The following EEF1AKMT2 variants were observed in gnomAD, a reference collection of about 807,000 sequenced individuals.
EEF1AKMT2 encodes eukaryotic translation elongation factor 1 alpha lysine methyltransferase 2.
In EEF1AKMT2, 32 loss-of-function variants were observed where a neutral mutation model predicts 35.8. That is an observed-to-expected ratio of 0.89 (90% confidence interval 0.67 to 1.20). The LOEUF (loss-of-function observed/expected upper bound fraction) is 1.20. Ranked by LOEUF, EEF1AKMT2 falls within the 50% of genes most tolerant of loss-of-function variation. EEF1AKMT2 has a pLI of 0.00. For missense variants in EEF1AKMT2, 330 were observed against 347.5 expected (o/e 0.95, Z 0.40); for synonymous variants, 121 against 133.7 (o/e 0.91, Z 0.65).
intron 5 of EEF1AKMT2, among the ~76,000 whole-genome samples, chr10:124,764,744 A>G (rs1295503075): frequency 6.6e-6 from 1 of 152,232 alleles, no homozygotes; most frequent in African/African-American, 2.4e-5. Flanking sequence ...CTCAGCATGT[A>G]AGACGGAAGT....
At chr10:124,778,656 A>AGGTG (rs1433280568) in intron 3 of EEF1AKMT2, among the ~76,000 whole-genome samples, 1 of 151,346 alleles carries the variant, frequency 6.6e-6, no homozygotes, top group Non-Finnish European at 1.5e-5. Flanking sequence ...CCCCGGAAGC[A>AGGTG]GAGGTTGCAG....
At chr10:124,765,649 A>T in intron 4 of EEF1AKMT2, 41 bp from the exon 5 acceptor site, 1 of 1,490,828 alleles carries the variant, frequency 6.7e-7, no homozygotes. Context: ...CAATTAAAAC[A>T]AAATCCTTAC....
At chr10:124,790,468 A>G (rs1950624774) in intron 1 of EEF1AKMT2, 130 bp from the exon 2 acceptor site, 2 of 676,706 alleles carry the variant, frequency 3.0e-6, no homozygotes, top group South Asian at 1.8e-5. Flanking sequence ...ATTAATAAAT[A>G]CACATAGTTC....
At position 124,765,473 on chromosome 10, in the gene EEF1AKMT2, T is replaced by C; in HGVS notation, c.535A>G (p.Arg179Gly). 6.2e-7 allele frequency: 1 copy of C among 1,614,030 alleles called. No individual in the cohort carries two copies. The highest frequency in any genetic ancestry group is 8.5e-7 in the Non-Finnish European group (1 of 1,179,972). The change falls in exon 5 of 7, where the codon AGG (arginine) becomes GGG (glycine). Residue 179 changes from arginine (R) to glycine (G), a missense_variant. Transcript: ENST00000368836. ...KRKQYVKSLS[R>G]VLKVKGFFLI... Reference sequence around the variant, plus strand: ...AAAAAGCCTTTTACTTTCAACACCCTGGAGAGAGATTTCACATATTGCTTC... The same window carrying C: ...AAAAAGCCTTTTACTTTCAACACCCCGGAGAGAGATTTCACATATTGCTTC...
In EEF1AKMT2 at chr10:124,788,710, T is replaced by TTATATATATATATGTA. The variant is rs1554920487; in HGVS notation, c.291+332_291+333insTACATATATATATATA. Among the ~76,000 whole-genome samples the TTATATATATATATGTA allele has an allele frequency of 1.2e-3, 112 of 92,578 alleles. 6 individuals are homozygous for TTATATATATATATGTA. Among genetic ancestry groups the TTATATATATATATGTA allele is most frequent in the African/African-American group, 3.7e-3 (110 of 29,728 alleles). 60.7% of individuals were successfully genotyped at this position (92,578 alleles called of 152,430 possible). On this transcript the variant is annotated intron_variant, in intron 3 of 6. Coordinates refer to ENST00000368836, the MANE Select transcript of EEF1AKMT2 (RefSeq NM_212554.4). ...CTACTGGAATTGCAAAAGGTCATCT[T>TTATATATATATATGTA]TATATATATATATATATATGCATTT...
intron 4 of EEF1AKMT2, among the ~76,000 whole-genome samples, chr10:124,771,188 C>T (rs902088243): frequency 6.6e-6 from 1 of 152,012 alleles, no homozygotes; most frequent in Non-Finnish European, 1.5e-5. Flanking sequence ...CAAGCTCCGC[C>T]TCCCAGGTTC....
At chr10:124,779,626 T>C (rs2134136025) in intron 3 of EEF1AKMT2, among the ~76,000 whole-genome samples, 2 of 145,244 alleles carry the variant, frequency 1.4e-5, no homozygotes, top group South Asian at 4.3e-4. Flanking sequence ...CGGGTGCCAG[T>C]AGTCCCAGCT....
At chr10:124,772,107 A>T (rs1047919944) in intron 4 of EEF1AKMT2, among the ~76,000 whole-genome samples, 7 of 152,140 alleles carry the variant, frequency 4.6e-5, no homozygotes, top group African/African-American at 7.2e-5. Flanking sequence ...GGGCCCTCAG[A>T]TTTTCGGAAT....
intron 1 of EEF1AKMT2, 71 bp downstream of exon 1, chr10:124,791,653 C>T: frequency 6.5e-7 from 1 of 1,534,882 alleles, no homozygotes; most frequent in Admixed American, 2.0e-5. Context: ...GGGTCTCCAC[C>T]CCGCCGTCCC....
chr10:124,779,955 C>T (rs1209055559), intron 3 of EEF1AKMT2, among the ~76,000 whole-genome samples: 1 of 151,386 alleles, frequency 6.6e-6, no homozygotes, highest in Non-Finnish European at 1.5e-5. Context: ...CCCAGCTACT[C>T]GGGAGGCTGA....
At chr10:124,791,646 T>A (rs2134148996) in intron 1 of EEF1AKMT2, 78 bp downstream of exon 1, 2 of 1,529,984 alleles carry the variant, frequency 1.3e-6, no homozygotes, top group African/African-American at 2.8e-5. Context: ...GAGCCCCGGG[T>A]CTCCACCCCG....
In EEF1AKMT2 at chr10:124,759,004, C is replaced by T. The variant is rs1950308402; in HGVS notation, c.*1499G>A. 6.6e-6 allele frequency: 1 copy of T among 152,162 alleles called. No individual in the cohort carries two copies. The highest frequency in any genetic ancestry group is 2.4e-5 in the African/African-American group (1 of 41,434). The allele number at this position is 152,162 out of a possible 1,614,324, so 9.4% of individuals were successfully genotyped here. On this transcript the variant is annotated 3_prime_UTR_variant, in exon 7 of 7. Transcript: ENST00000368836. ...CTAAATGAAAAACTCACTCCTCTGGCTACCCCTCCCCAAAAAGAAAAGGGA... is the reference window on the plus strand; with the variant it reads ...CTAAATGAAAAACTCACTCCTCTGGTTACCCCTCCCCAAAAAGAAAAGGGA...
Position 124,758,396 on chromosome 10 carries a change from T to C in EEF1AKMT2, c.*2107A>G, listed in dbSNP as rs1950303479. 6.6e-6 allele frequency: 1 copy of C among 152,092 alleles called. No homozygotes were observed. Among genetic ancestry groups the C allele is most frequent in the Admixed American group, 6.6e-5 (1 of 15,258 alleles). 9.4% of individuals were successfully genotyped at this position (152,092 alleles called of 1,614,324 possible). On this transcript the variant is annotated 3_prime_UTR_variant, in exon 7 of 7. Transcript: ENST00000368836. ...AATTTCTTATTAGCATTTTTGGACC[T>C]TCCATTTGTTCTGGTTTTAGTCCCT...
intron 4 of EEF1AKMT2, among the ~76,000 whole-genome samples, chr10:124,768,948 G>A (rs192935495): frequency 1.3e-5 from 2 of 151,458 alleles, no homozygotes; most frequent in Admixed American, 1.3e-4. Flanking sequence ...GATAAAACTG[G>A]CCAGAAGCAG....
chr10:124,777,066 G>A (rs1322169077), intron 3 of EEF1AKMT2, among the ~76,000 whole-genome samples: 4 of 151,836 alleles, frequency 2.6e-5, no homozygotes, highest in Non-Finnish European at 5.9e-5. Flanking sequence ...GATCACCTGA[G>A]GTCAGGAGTT....
chr10:124,763,528 G>T (rs1388602642), intron 5 of EEF1AKMT2, among the ~76,000 whole-genome samples: 1 of 152,022 alleles, frequency 6.6e-6, no homozygotes, highest in Non-Finnish European at 1.5e-5. Flanking sequence ...TTTTCTAAGG[G>T]ACTCATGCCT....
intron 3 of EEF1AKMT2, among the ~76,000 whole-genome samples, chr10:124,782,595 A>AG (rs1228200799): frequency 6.6e-6 from 1 of 150,494 alleles, no homozygotes; most frequent in East Asian, 2.0e-4. Flanking sequence ...AAAAAAAAAA[A>AG]AAAAAAAAGA....
rs113188210 is a variant in EEF1AKMT2, at chr10:124,777,520, A to ATT, written c.292-2740_292-2739dup. On this transcript the variant is annotated intron_variant, in intron 3 of 6. Transcript: ENST00000368836. ...CACGATGGTATCTGTGTACCTAAAG[A>ATT]TTTTTTTTTTTTTTTTGAGACAGGG... Among the ~76,000 whole-genome samples, 9 of 140,634 alleles carry ATT rather than the reference A, an allele frequency of 6.4e-5. No individual in the cohort carries two copies. The South Asian group carries it at 9.1e-4, about 14-fold the overall frequency. The allele number at this position is 140,634 out of a possible 152,430, so 92.3% of individuals were successfully genotyped here.
rs1305645865 is a variant in EEF1AKMT2 at position 124,769,180 on chromosome 10, C to T, written c.400-3572G>A. On this transcript the variant is annotated intron_variant, in intron 4 of 6. Coordinates refer to ENST00000368836, the MANE Select transcript of EEF1AKMT2 (RefSeq NM_212554.4). Reference sequence around the variant, plus strand: ...CTGCAATGAGCTGTAATAACACCACCGCACTCCAGCCTGGGCTACAGGGCA... The same window carrying T: ...CTGCAATGAGCTGTAATAACACCACTGCACTCCAGCCTGGGCTACAGGGCA... 4.0e-5 allele frequency among the ~76,000 whole-genome samples: 5 copies of T among 125,942 alleles called. 1 individual carries two copies. The highest frequency in any genetic ancestry group is 4.9e-3 in the Middle Eastern group (1 of 204). 82.6% of individuals were successfully genotyped at this position (125,942 alleles called of 152,430 possible). A position where few individuals can be genotyped will look rare whatever the true frequency, so the allele number is the denominator to read the frequency against.
Sources: allele counts gnomAD v4.1 joint callset (sites outside exome capture counted in the v4.1 genomes callset), GRCh38; gene constraint gnomAD v4.1.1; transcripts MANE v1.5; gene names NCBI Gene and HGNC (gene_info 2026-07-23, HGNC 2026-07-21).